Variants in CCSER1 observed in about 807,000 individuals in gnomAD.
The protein encoded by CCSER1 is coiled-coil serine rich protein 1, also known as serine-rich coiled-coil domain-containing protein 1.
Under a neutral mutation model 82.0 loss-of-function variants are expected in CCSER1, and 41 were observed. The observed-to-expected ratio is 0.50, with a 90% CI of 0.39 to 0.65. The LOEUF is 0.65. Among genes scored for constraint, CCSER1 ranks in the 30% least tolerant of loss-of-function variants. The pLI is 0.00. For synonymous variants in CCSER1, 414 were observed against 383.9 expected, an observed-to-expected ratio of 1.08 and a Z score of -0.92; for missense variants, 1,119 against 1,064.2, an observed-to-expected ratio of 1.05 and a Z score of -0.72.
intron 6 of CCSER1, among the ~76,000 whole-genome samples, chr4:90,696,813 C>A (rs772983418): frequency 6.6e-6 from 1 of 152,066 alleles, no homozygotes; most frequent in Non-Finnish European, 1.5e-5. Context: ...ATATAACTTG[C>A]CTAAGGTCAC....
At chr4:90,712,195 T>A (rs538373755) in intron 6 of CCSER1, among the ~76,000 whole-genome samples, 2 of 152,174 alleles carry the variant, frequency 1.3e-5, no homozygotes, top group East Asian at 3.9e-4. Flanking sequence ...TTTTGATATT[T>A]ATTTGCTCTT....
intron 3 of CCSER1, among the ~76,000 whole-genome samples, chr4:90,381,268 A>G (rs1323512058): frequency 6.6e-6 from 1 of 152,204 alleles, no homozygotes; most frequent in Non-Finnish European, 1.5e-5. Context: ...AACATCCTGA[A>G]TTACTTTGGA....
intron 10 of CCSER1, among the ~76,000 whole-genome samples, chr4:91,173,520 G>T (rs973412258): frequency 1.3e-5 from 2 of 151,134 alleles, no homozygotes; most frequent in Non-Finnish European, 1.5e-5. Flanking sequence ...CTTGAACCCG[G>T]GAGGTGGAGG....
intron 10 of CCSER1, among the ~76,000 whole-genome samples, chr4:91,362,114 G>A (rs943282544): frequency 5.9e-5 from 9 of 151,796 alleles, no homozygotes; most frequent in African/African-American, 1.9e-4. Flanking sequence ...TGCAGAGAAG[G>A]AATCTAGGGA....
chr4:90,318,203 A>G (rs915821982), intron 3 of CCSER1, among the ~76,000 whole-genome samples: 1 of 152,196 alleles, frequency 6.6e-6, no homozygotes, highest in Non-Finnish European at 1.5e-5. Context: ...ATTCTTTAGA[A>G]TATTCTCTCT....
At chr4:90,151,357 G>A (rs1054996465) in intron 1 of CCSER1, among the ~76,000 whole-genome samples, 6 of 151,746 alleles carry the variant, frequency 4.0e-5, no homozygotes, top group East Asian at 1.9e-4. Flanking sequence ...TTTAATTTAG[G>A]TATTTATTTA....
intron 10 of CCSER1, among the ~76,000 whole-genome samples, chr4:91,581,075 T>A (rs1763704636): frequency 6.6e-6 from 1 of 151,662 alleles, no homozygotes; most frequent in Non-Finnish European, 1.5e-5. Context: ...GATAAGGACT[T>A]CACCAACAGA....
chr4:91,409,423 T>C (rs1278388506), intron 10 of CCSER1, among the ~76,000 whole-genome samples: 1 of 152,198 alleles, frequency 6.6e-6, no homozygotes, highest in Non-Finnish European at 1.5e-5. Flanking sequence ...CACTTAATTT[T>C]ATATTCTTTT....
rs936273471 is a variant in CCSER1, at chr4:91,443,661, A to G, written c.2218-154911A>G. 5.3e-5 allele frequency among the ~76,000 whole-genome samples: 8 copies of G among 149,782 alleles called. No homozygotes were observed. The South Asian group carries it at 1.0e-3, about 19-fold the overall frequency. ...CTAAAACTTAAAGTATAATAATAAT[A>G]AAATAATAATAAAATAAAAGAAAAT... On this transcript the variant is annotated intron_variant, in intron 10 of 10. Coordinates refer to ENST00000509176, the MANE Select transcript of CCSER1 (RefSeq NM_001145065.2).
intron 3 of CCSER1, among the ~76,000 whole-genome samples, chr4:90,381,973 A>G (rs1370593077): frequency 6.6e-6 from 1 of 152,140 alleles, no homozygotes; most frequent in Non-Finnish European, 1.5e-5. Flanking sequence ...TGTTAATTGT[A>G]GAGCACTTCA....
At chr4:90,235,718 C>T (rs545061360) in intron 1 of CCSER1, among the ~76,000 whole-genome samples, 1 of 151,986 alleles carries the variant, frequency 6.6e-6, no homozygotes, top group Non-Finnish European at 1.5e-5. Context: ...AAAAAAAATA[C>T]TAGAGTTCAA....
intron 5 of CCSER1, among the ~76,000 whole-genome samples, chr4:90,563,110 C>G (rs1037289771): frequency 1.3e-5 from 2 of 150,416 alleles, no homozygotes; most frequent in Non-Finnish European, 2.9e-5. Context: ...TTTCATTTAA[C>G]AAATTTTTAT....
chr4:91,095,148 A>G (rs919187316), intron 10 of CCSER1, among the ~76,000 whole-genome samples: 1 of 152,198 alleles, frequency 6.6e-6, no homozygotes, highest in Non-Finnish European at 1.5e-5. Flanking sequence ...CATCCTGACC[A>G]TGGGCTCCTT....
chr4:90,807,308 T>C (rs147853820), intron 7 of CCSER1, among the ~76,000 whole-genome samples: 1 of 152,164 alleles, frequency 6.6e-6, no homozygotes, highest in Non-Finnish European at 1.5e-5. Context: ...AGTCTAGGAG[T>C]ATAAGTATTA....
At chr4:91,244,726 C>T (rs1466886524) in intron 10 of CCSER1, among the ~76,000 whole-genome samples, 2 of 152,076 alleles carry the variant, frequency 1.3e-5, no homozygotes, top group African/African-American at 4.8e-5. Flanking sequence ...GCCCAGATAC[C>T]AATGAACATC....
chr4:90,259,323 T>C (rs918764871), intron 1 of CCSER1, among the ~76,000 whole-genome samples: 2 of 152,212 alleles, frequency 1.3e-5, no homozygotes, highest in African/African-American at 4.8e-5. Flanking sequence ...GATTTTGTAA[T>C]GTGAGACTTT....
At chr4:91,151,582 A>T (rs569457631) in intron 10 of CCSER1, among the ~76,000 whole-genome samples, 1 of 152,116 alleles carries the variant, frequency 6.6e-6, no homozygotes, top group South Asian at 2.1e-4. Context: ...TCAATTTTAG[A>T]TCTTCCCTGC....
At chr4:90,220,921 CTATA>C (rs1265012705) in intron 1 of CCSER1, among the ~76,000 whole-genome samples, 3 of 151,980 alleles carry the variant, frequency 2.0e-5, no homozygotes, top group Non-Finnish European at 4.4e-5. Context: ...AGATAAATAA[CTATA>C]TAAATATATG....
intron 9 of CCSER1, among the ~76,000 whole-genome samples, chr4:91,067,327 T>G (rs1487740510): frequency 1.3e-5 from 2 of 151,900 alleles, no homozygotes; most frequent in Middle Eastern, 3.2e-3. Flanking sequence ...ATAAGATGTT[T>G]GTCTCATCCT....
Sources: gnomAD v4.1 joint callset for allele counts (sites outside exome capture counted in the v4.1 genomes callset) on GRCh38, gnomAD v4.1.1 for gene constraint, MANE v1.5 for transcripts, NCBI Gene and HGNC (gene_info 2026-07-23, HGNC 2026-07-21) for gene names.